The following MYCT1 variants were observed in gnomAD, a reference collection of about 807,000 sequenced individuals.
MYCT1 encodes MYC target 1, also known as myc target protein 1.
Under a neutral mutation model 15.0 loss-of-function variants are expected in MYCT1, and 12 were observed. The observed-to-expected ratio is 0.80, with a 90% CI of 0.51 to 1.29. The LOEUF (loss-of-function observed/expected upper bound fraction) is 1.29. Ranked by LOEUF, MYCT1 falls within the 50% of genes most tolerant of loss-of-function variation. The pLI, the probability that MYCT1 is intolerant of heterozygous loss-of-function variation, is 0.00. For missense variants in MYCT1, 287 were observed against 279.1 expected (o/e 1.03, Z -0.20); for synonymous variants, 104 against 102.7 (o/e 1.01, Z -0.07).
At chr6:152,713,845 CTG>C (rs1386654618) in intron 1 of MYCT1, among the ~76,000 whole-genome samples, 2 of 152,104 alleles carry the variant, frequency 1.3e-5, no homozygotes, top group African/African-American at 4.8e-5. Flanking sequence ...AGGTTTTCGA[CTG>C]TAGCTTTACC....
chr6:152,723,163 C>A lies in MYCT1; in HGVS notation c.*910C>A, dbSNP rs947186114. On this transcript the variant is annotated 3_prime_UTR_variant, in exon 2 of 2. Transcript: ENST00000367245. ...ACTCTTTTGGTGTCATTGGATGTTT[C>A]ATTTTTGACACTAATTTTTTCTGGA... The A allele has an allele frequency of 6.6e-6, 1 of 152,144 alleles. No homozygotes were observed. Among genetic ancestry groups the A allele is most frequent in the South Asian group, 2.1e-4 (1 of 4,822 alleles). 9.4% of individuals were successfully genotyped at this position (152,144 alleles called of 1,614,324 possible).
At chr6:152,745,050 A>T in the MYCT1 span, among the ~76,000 whole-genome samples, 13 of 152,126 alleles carry the variant, frequency 8.5e-5, no homozygotes, top group Non-Finnish European at 1.6e-4. Flanking sequence ...GGAGGGAGAC[A>T]TGTGGCCTCC....
At chr6:152,741,197 C>G in the MYCT1 span, among the ~76,000 whole-genome samples, 2 of 152,040 alleles carry the variant, frequency 1.3e-5, no homozygotes, top group Admixed American at 1.3e-4. Context: ...CTAAGAAAAA[C>G]TCTTAAACAG....
the MYCT1 span, among the ~76,000 whole-genome samples, chr6:152,731,930 A>G: frequency 6.6e-6 from 1 of 151,980 alleles, no homozygotes; most frequent in African/African-American, 2.4e-5. Context: ...TATATTTTTT[A>G]TAGAGATGAG....
intron 1 of MYCT1, among the ~76,000 whole-genome samples, chr6:152,712,723 A>G (rs1257249025): frequency 6.6e-6 from 1 of 152,152 alleles, no homozygotes; most frequent in African/African-American, 2.4e-5. Context: ...TTCTGAGTTG[A>G]CAGCTTTTTT....
In MYCT1 at chr6:152,721,963, G is replaced by C; in HGVS notation, c.418G>C (p.Ala140Pro). 1 of 1,614,144 alleles carries C rather than the reference G, an allele frequency of 6.2e-7. No homozygotes were observed. Among genetic ancestry groups the C allele is most frequent in the Non-Finnish European group, 8.5e-7 (1 of 1,180,016 alleles). ...GCERRSNLSL[A>P]SLTFQRQASL... is the part of the protein sequence containing the mutation. ...TGAACGTCGAAGCAACCTCAGCCTGGCCAGTCTCACCTTCCAGCGACAAGC... is the reference window on the plus strand; with the variant it reads ...TGAACGTCGAAGCAACCTCAGCCTGCCCAGTCTCACCTTCCAGCGACAAGC... The change falls in exon 2 of 2, where the codon GCC (alanine) becomes CCC (proline). Residue 140 changes from alanine (A) to proline (P), a missense_variant. Coordinates refer to ENST00000367245, the MANE Select transcript of MYCT1 (RefSeq NM_025107.3).
At position 152,706,217 on chromosome 6, in the gene MYCT1, T is replaced by G. The variant is rs1269583225; in HGVS notation, c.196+8119T>G. 1.0e-5 allele frequency: 8 copies of G among 774,920 alleles called. No homozygotes were observed. The African/African-American group carries it at 1.2e-4, about 12-fold the overall frequency. The allele number at this position is 774,920 out of a possible 1,614,324, so 48.0% of individuals were successfully genotyped here. A position where few individuals can be genotyped will look rare whatever the true frequency, so the allele number is the denominator to read the frequency against. On this transcript the variant is annotated intron_variant, in intron 1 of 1. Transcript: ENST00000367245. ...CACCAATAACTTCAGAGAAGTCAGT[T>G]GGAGAAAATGAAGGAAAGGCTGGCT... is the stretch of plus-strand genomic sequence containing the variant.
intron 1 of MYCT1, among the ~76,000 whole-genome samples, chr6:152,720,329 C>T (rs6557236): frequency 0.085 from 12,969 of 151,848 alleles, 956 homozygotes; most frequent in African/African-American, 0.19. Flanking sequence ...TGCATCCTAC[C>T]GTCAAAGCAA....
chr6:152,703,888 C>T (rs570593874), intron 1 of MYCT1, among the ~76,000 whole-genome samples: 1 of 152,046 alleles, frequency 6.6e-6, no homozygotes, highest in South Asian at 2.1e-4. Flanking sequence ...GGATTGTTTT[C>T]ATATTGATAT....
At chr6:152,739,689 T>C in the MYCT1 span, among the ~76,000 whole-genome samples, 4 of 152,128 alleles carry the variant, frequency 2.6e-5, no homozygotes, top group Admixed American at 6.5e-5. Context: ...ATGCTTTAGG[T>C]TTAGAAAATA....
chr6:152,706,057 A>G, intron 1 of MYCT1: 1 of 1,301,750 alleles, frequency 7.7e-7, no homozygotes, highest in African/African-American at 2.6e-5. Context: ...AAAATTCCTA[A>G]AAAAAGAGAA....
intron 1 of MYCT1, among the ~76,000 whole-genome samples, chr6:152,717,998 T>A (rs1460579436): frequency 6.6e-6 from 1 of 152,204 alleles, no homozygotes; most frequent in Non-Finnish European, 1.5e-5. Context: ...CATTATTTAA[T>A]CCTTTTTGGA....
chr6:152,716,921 T>C (rs888830278), intron 1 of MYCT1, among the ~76,000 whole-genome samples: 6 of 152,208 alleles, frequency 3.9e-5, no homozygotes, highest in African/African-American at 1.4e-4. Flanking sequence ...TTCTTCTCCT[T>C]AGATTGTTGA....
Position 152,722,235 on chromosome 6 carries a change from G to C in MYCT1, c.690G>C (p.Lys230Asn). 6.2e-7 allele frequency: 1 copy of C among 1,611,328 alleles called. No individual in the cohort carries two copies. The highest frequency in any genetic ancestry group is 8.5e-7 in the Non-Finnish European group (1 of 1,178,570). The change falls in exon 2 of 2, where the codon AAG becomes AAC. Residue 230 changes from lysine (K) to asparagine (N), a missense_variant. Lys to Asn is a moderately conservative substitution (Grantham distance 94). Transcript: ENST00000367245. Reference protein sequence around the residue: ...PPPPAYESIIKAFPDS With the variant: ...PPPPAYESIINAFPDS The stretch of plus-strand genomic sequence containing the variant: ...CACCTGCCTATGAGTCCATCATCAA[G>C]GCATTCCCAGATTCCTGAGTAGGGT...
At chr6:152,740,940 T>A in the MYCT1 span, among the ~76,000 whole-genome samples, 1 of 152,064 alleles carries the variant, frequency 6.6e-6, no homozygotes, top group Non-Finnish European at 1.5e-5. Context: ...GAGAGAGGAG[T>A]TTCAGGAAAA....
intron 1 of MYCT1, among the ~76,000 whole-genome samples, chr6:152,701,638 T>C (rs563097910): frequency 4.6e-5 from 7 of 152,268 alleles, no homozygotes; most frequent in African/African-American, 1.7e-4. Context: ...TTGTGCTTGA[T>C]CAAGTTCTGG....
At chr6:152,732,125 C>T in the MYCT1 span, among the ~76,000 whole-genome samples, 2 of 152,156 alleles carry the variant, frequency 1.3e-5, no homozygotes, top group South Asian at 4.1e-4. Context: ...TTCTGACATA[C>T]AGACTTTTGT....
At chr6:152,727,847 AC>A (rs1005199059), downstream of MYCT1, among the ~76,000 whole-genome samples, 1 of 152,096 alleles carries the variant, frequency 6.6e-6, no homozygotes, top group African/African-American at 2.4e-5. Flanking sequence ...GGACTTCAAG[AC>A]TGGGGAGAGT....
At position 152,699,337 on chromosome 6, in the gene MYCT1, T is replaced by C. The variant is rs547216466; in HGVS notation, c.196+1239T>C. Among the ~76,000 whole-genome samples the C allele has an allele frequency of 2.0e-4, 30 of 152,280 alleles. No homozygotes were observed. The South Asian group carries it at 6.0e-3, about 31-fold the overall frequency. The stretch of plus-strand genomic sequence containing the variant: ...AAAAAAAAGAATTAACTCATTCTTT[T>C]TTTCTCACCTACATTTATGTTTGCT... On this transcript the variant is annotated intron_variant, in intron 1 of 1. Coordinates refer to ENST00000367245, the MANE Select transcript of MYCT1 (RefSeq NM_025107.3).
Sources: allele counts gnomAD v4.1 joint callset (sites outside exome capture counted in the v4.1 genomes callset), GRCh38; gene constraint gnomAD v4.1.1; transcripts MANE v1.5; gene names NCBI Gene and HGNC (gene_info 2026-07-23, HGNC 2026-07-21).